Variants in CAPN13 observed in about 807,000 individuals in gnomAD.
The protein encoded by CAPN13 is calpain-13.
A neutral mutation model predicts 98.4 loss-of-function variants in CAPN13; 90 were observed. The ratio of observed to expected loss-of-function variants is 0.92; its 90% CI spans 0.77 to 1.09. The LOEUF (loss-of-function observed/expected upper bound fraction) is 1.09. Among genes scored for constraint, CAPN13 ranks in the 50% least tolerant of loss-of-function variants. The pLI is 0.00. For missense variants in CAPN13, 887 were observed against 841.3 expected (o/e 1.05, Z -0.67); for synonymous variants, 330 against 305.5 (o/e 1.08, Z -0.84).
intron 10 of CAPN13, among the ~76,000 whole-genome samples, chr2:30,751,996 A>G (rs1157163957): frequency 6.6e-6 from 1 of 152,236 alleles, no homozygotes; most frequent in Admixed American, 6.5e-5. Context: ...TAGTTCATTG[A>G]CAAGCATTGT....
intron 1 of CAPN13, among the ~76,000 whole-genome samples, chr2:30,806,629 G>A (rs1675646921): frequency 1.3e-5 from 2 of 152,182 alleles, no homozygotes; most frequent in African/African-American, 4.8e-5. Flanking sequence ...TGGTTAACTT[G>A]GGTCCAAGCT....
intron 5 of CAPN13, among the ~76,000 whole-genome samples, chr2:30,768,527 G>A (rs938275060): frequency 6.6e-6 from 1 of 152,160 alleles, no homozygotes. Context: ...CAGCCCCTGG[G>A]GACCAGCCCC....
At chr2:30,781,499 G>A (rs1520321) in intron 2 of CAPN13, among the ~76,000 whole-genome samples, 78,139 of 152,032 alleles carry the variant, frequency 0.51, 21,077 homozygotes, top group South Asian at 0.67. Context: ...ATTTAGCAAA[G>A]CAGATTCCCT....
At position 30,776,166 on chromosome 2, in the gene CAPN13, T is replaced by C. The variant is rs527313305; in HGVS notation, c.272-121A>G. ...TCCTTCTAAATAATGCATTTTTTTT[T>C]CCTCTGAGAGAGGAGAACCGGGGGA... On this transcript the variant is annotated intron_variant, in intron 3 of 22. Coordinates refer to ENST00000295055, the MANE Select transcript of CAPN13 (RefSeq NM_144575.3). 6.3e-5 allele frequency: 36 copies of C among 567,838 alleles called. 1 individual carries two copies. In the South Asian group the frequency reaches 8.6e-4, roughly 14 times the overall value. 35.2% of individuals were successfully genotyped at this position (567,838 alleles called of 1,614,324 possible).
At chr2:30,742,693 C>T (rs987330417) in intron 13 of CAPN13, among the ~76,000 whole-genome samples, 4 of 152,168 alleles carry the variant, frequency 2.6e-5, no homozygotes, top group African/African-American at 9.7e-5. Context: ...GCATGCTGGA[C>T]TTAGAAGGTC....
At chr2:30,743,278 A>G (rs1671746394) in intron 13 of CAPN13, 105 bp downstream of exon 13, 1 of 1,022,700 alleles carries the variant, frequency 9.8e-7, no homozygotes, top group Non-Finnish European at 1.5e-6. Context: ...CCCCAGTGAC[A>G]TAGCACAGGC....
At chr2:30,751,590 G>T (rs1672178225) in intron 10 of CAPN13, among the ~76,000 whole-genome samples, 1 of 152,184 alleles carries the variant, frequency 6.6e-6, no homozygotes, top group Admixed American at 6.5e-5. Context: ...TCAGAGCCTT[G>T]AAATGGCATG....
At chr2:30,770,588 G>A in intron 4 of CAPN13, 139 bp from the exon 5 acceptor site, 2 of 1,076,054 alleles carry the variant, frequency 1.9e-6, no homozygotes, top group East Asian at 2.6e-5. Context: ...CCCAGCCCAG[G>A]TTGCCAGGCA....
At chr2:30,745,138 C>G (rs1276794555) in intron 12 of CAPN13, 2 of 464,218 alleles carry the variant, frequency 4.3e-6, no homozygotes, top group Admixed American at 2.4e-5. Flanking sequence ...TGGCTCAGCA[C>G]TCTCAGCCAT....
In CAPN13 at chr2:30,738,401, TGTTAGAAGCTCCTG is replaced by T; in HGVS notation, c.1579_1592del (p.Gln527ArgfsTer11). On this transcript the variant is annotated frameshift_variant and splice_region_variant, in exon 16 of 23. Coordinates refer to ENST00000295055, the MANE Select transcript of CAPN13 (RefSeq NM_144575.3). LOFTEE classifies it high-confidence loss of function. ...AGCTTGCCCTTGGGCTGCTCATACCTGTTAGAAGCTCCTGGTTGAGAAGGCCCTGAAGCTGGGTG... is the reference window on the plus strand; with the variant it reads ...AGCTTGCCCTTGGGCTGCTCATACCTGTTGAGAAGGCCCTGAAGCTGGGTG... The T allele has an allele frequency of 6.2e-7, 1 of 1,609,202 alleles. No homozygotes were observed. Among genetic ancestry groups the T allele is most frequent in the Non-Finnish European group, 8.5e-7 (1 of 1,177,556 alleles).
chr2:30,764,257 G>C lies in CAPN13; in HGVS notation c.574C>G (p.Leu192Val), dbSNP rs377374907. The C allele has an allele frequency of 1.2e-6, 2 of 1,613,788 alleles. No homozygotes were observed. The highest frequency in any genetic ancestry group is 1.3e-5 in the African/African-American group (1 of 75,060). The change falls in exon 6 of 23, where the codon CTG becomes GTG. Residue 192 changes from leucine (L) to valine (V), a missense_variant. By Grantham distance (32) the Leu-to-Val change is conservative. Coordinates refer to ENST00000295055, the MANE Select transcript of CAPN13 (RefSeq NM_144575.3). ...DLHYGFLEDALVDLTGGVITN... is the reference protein window; with the variant it reads ...DLHYGFLEDAVVDLTGGVITN... ...ATCACGCCTCCTGTGAGGTCCACCA[G>C]GGCATCCTCGAGGAAGCCATAGTGC...
intron 7 of CAPN13, among the ~76,000 whole-genome samples, chr2:30,761,439 G>A (rs1672845549): frequency 1.3e-5 from 2 of 152,118 alleles, no homozygotes; most frequent in African/African-American, 4.8e-5. Flanking sequence ...GTCACCCTAG[G>A]TGTTCACATA....
At chr2:30,799,186 AAG>A (rs1243817956) in intron 1 of CAPN13, among the ~76,000 whole-genome samples, 4 of 152,128 alleles carry the variant, frequency 2.6e-5, no homozygotes, top group Non-Finnish European at 5.9e-5. Context: ...AAGGAGGAGG[AAG>A]AGAGAGTGGG....
chr2:30,743,681 C>G lies in CAPN13; in HGVS notation c.1249-102G>C. On this transcript the variant is annotated intron_variant, in intron 12 of 22. Coordinates refer to ENST00000295055, the MANE Select transcript of CAPN13 (RefSeq NM_144575.3). The stretch of plus-strand genomic sequence containing the variant: ...CACCTTCTAGACCGTCTCCATTCAC[C>G]AAGATAACATTACAGGCTCTATAAA... 3 of 989,138 alleles carry G rather than the reference C, an allele frequency of 3.0e-6. No individual in the cohort carries two copies. In the Admixed American group the frequency reaches 5.8e-5, roughly 19 times the overall value. The allele number at this position is 989,138 out of a possible 1,614,324, so 61.3% of individuals were successfully genotyped here.
At chr2:30,751,706 C>G (rs1476874155) in intron 10 of CAPN13, among the ~76,000 whole-genome samples, 1 of 152,134 alleles carries the variant, frequency 6.6e-6, no homozygotes, top group African/African-American at 2.4e-5. Flanking sequence ...AGAGAGCGAG[C>G]TAATGTGAAA....
chr2:30,747,648 T>C (rs1047289082), intron 11 of CAPN13, among the ~76,000 whole-genome samples: 22 of 152,198 alleles, frequency 1.4e-4, no homozygotes, highest in African/African-American at 5.3e-4. Context: ...CACAGACCCA[T>C]GCCAGGGCTG....
intron 1 of CAPN13, among the ~76,000 whole-genome samples, chr2:30,803,243 T>A (rs1031509505): frequency 5.9e-5 from 9 of 152,208 alleles, no homozygotes; most frequent in Non-Finnish European, 1.2e-4. Context: ...CTCCATCACC[T>A]CTCTGGCTTC....
At chr2:30,734,632 C>G (rs1422790472) in intron 18 of CAPN13, 108 bp from the exon 19 acceptor site, 2 of 830,312 alleles carry the variant, frequency 2.4e-6, no homozygotes, top group Non-Finnish European at 4.0e-6. Context: ...AAGGCACGGT[C>G]ACAGCACTGA....
chr2:30,753,494 C>T (rs1027541366), intron 9 of CAPN13, among the ~76,000 whole-genome samples: 1 of 152,184 alleles, frequency 6.6e-6, no homozygotes, highest in Admixed American at 6.5e-5. Context: ...ATCAGTGGGA[C>T]GACGGCCAGT....
Sources: gnomAD v4.1 joint callset for allele counts (sites outside exome capture counted in the v4.1 genomes callset) on GRCh38, gnomAD v4.1.1 for gene constraint, MANE v1.5 for transcripts, NCBI Gene and HGNC (gene_info 2026-07-23, HGNC 2026-07-21) for gene names.